Variants in VPS13A observed in about 807,000 individuals in gnomAD.
The protein encoded by VPS13A is vacuolar protein sorting 13 homolog A.
Under a neutral mutation model 390.9 loss-of-function variants are expected in VPS13A, and 264 were observed. That is an observed-to-expected ratio of 0.68 (90% CI 0.61 to 0.75). The LOEUF (loss-of-function observed/expected upper bound fraction) is 0.75, where lower values mean the gene tolerates loss of function less well. Among genes scored for constraint, VPS13A ranks in the 30% least tolerant of loss-of-function variants. VPS13A has a pLI of 0.00. For synonymous variants in VPS13A, 1,231 were observed against 1,227.1 expected (o/e 1.00, Z -0.07); for missense variants, 3,409 against 3,733.9 (o/e 0.91, Z 2.27).
Position 77,416,147 on chromosome 9 carries a change from A to C in VPS13A, c.*141A>C, listed in dbSNP as rs1360346614. 8.1e-6 allele frequency: 8 copies of C among 989,966 alleles called. No homozygotes were observed. The highest frequency in any genetic ancestry group is 7.5e-5 in the South Asian group (5 of 67,100). The allele number at this position is 989,966 out of a possible 1,614,324, so 61.3% of individuals were successfully genotyped here. The stretch of plus-strand genomic sequence containing the variant: ...ATGCTAAAAAACAAAAACAAACAAA[A>C]AAACAAAAACAAAAAAACAAAACCA... On this transcript the variant is annotated 3_prime_UTR_variant, in exon 72 of 72. Coordinates refer to ENST00000360280, the MANE Select transcript of VPS13A (RefSeq NM_033305.3).
At chr9:77,200,041 A>C in intron 2 of VPS13A, 53 bp downstream of exon 2, 1 of 1,385,304 alleles carries the variant, frequency 7.2e-7, no homozygotes, top group Non-Finnish European at 1.0e-6. Flanking sequence ...ATTATGTATA[A>C]TTCTTCCTGA....
intron 26 of VPS13A, among the ~76,000 whole-genome samples, chr9:77,279,427 T>C (rs1353793541): frequency 1.3e-5 from 2 of 152,088 alleles, no homozygotes. Flanking sequence ...TCTCCACCAC[T>C]CTTTTCCTCT....
intron 52 of VPS13A, among the ~76,000 whole-genome samples, chr9:77,347,705 T>C (rs1831231475): frequency 6.6e-6 from 1 of 152,174 alleles, no homozygotes; most frequent in African/African-American, 2.4e-5. Flanking sequence ...AATCTCCCAT[T>C]TTCCACTAGA....
At chr9:77,328,696 C>G (rs111926596) in intron 45 of VPS13A, among the ~76,000 whole-genome samples, 5 of 152,188 alleles carry the variant, frequency 3.3e-5, no homozygotes, top group African/African-American at 1.2e-4. Context: ...CGTGAACAAA[C>G]GTCTGCTTCC....
Position 77,405,987 on chromosome 9 carries a change from G to GGTAT in VPS13A, c.9399+3_9399+6dup, listed in dbSNP as rs1162773279. On this transcript the variant is annotated frameshift_variant and splice_region_variant. Coordinates refer to ENST00000360280, the MANE Select transcript of VPS13A (RefSeq NM_033305.3). LOFTEE classifies it high-confidence loss of function. ...GGAGAAGATTGCGCATTGAAGCAAA[G>GGTAT]GTATGTTGAATAGATTTATTTTTTG... 1.9e-6 allele frequency: 3 copies of GGTAT among 1,613,322 alleles called. No homozygotes were observed. Among genetic ancestry groups the GGTAT allele is most frequent in the Admixed American group, 1.7e-5 (1 of 59,976 alleles).
intron 69 of VPS13A, among the ~76,000 whole-genome samples, chr9:77,404,327 AATTTTTCACTTGAGATCT>A (rs1334948894): frequency 1.3e-5 from 2 of 152,100 alleles, no homozygotes; most frequent in African/African-American, 4.8e-5. Context: ...ACTTAGTTTT[AATTTTTCACTTGAGATCT>A]ATATTTTGAA....
rs374882363 is a variant in VPS13A at position 77,298,764 on chromosome 9, G to C, written c.3812+2918G>C. Among the ~76,000 whole-genome samples the C allele has an allele frequency of 2.2e-4, 34 of 152,260 alleles. No homozygotes were observed. In the South Asian group the frequency reaches 6.4e-3, roughly 29 times the overall value. On this transcript the variant is annotated intron_variant, in intron 33 of 71. Transcript: ENST00000360280. Reference sequence around the variant, plus strand: ...TTCCCACATGTTGTGGGAGGGACCTGGTGGGAGATAATTGAATCATGAGGG... The same window carrying C: ...TTCCCACATGTTGTGGGAGGGACCTCGTGGGAGATAATTGAATCATGAGGG...
intron 33 of VPS13A, among the ~76,000 whole-genome samples, chr9:77,300,151 G>A (rs958948133): frequency 6.6e-6 from 1 of 151,998 alleles, no homozygotes; most frequent in African/African-American, 2.4e-5. Context: ...TATGCTGTAA[G>A]TTTTCATGTC....
At chr9:77,211,491 A>T (rs560304445) in intron 7 of VPS13A, 9 of 151,988 alleles carry the variant, frequency 5.9e-5, no homozygotes, top group African/African-American at 9.7e-5. Flanking sequence ...TGTTGTATCT[A>T]TTGGGTTTTG....
intron 19 of VPS13A, among the ~76,000 whole-genome samples, chr9:77,246,920 G>T (rs925048939): frequency 6.6e-6 from 1 of 152,058 alleles, no homozygotes; most frequent in African/African-American, 2.4e-5. Flanking sequence ...GAATTGAGAA[G>T]TATCTATGTA....
intron 13 of VPS13A, among the ~76,000 whole-genome samples, chr9:77,223,397 G>T (rs1823332156): frequency 6.6e-6 from 1 of 152,164 alleles, no homozygotes; most frequent in African/African-American, 2.4e-5. Context: ...AGAAAGGCAT[G>T]TTGAAAGCAG....
chr9:77,300,263 A>G (rs913240422), intron 33 of VPS13A, among the ~76,000 whole-genome samples: 3 of 152,152 alleles, frequency 2.0e-5, no homozygotes, highest in Non-Finnish European at 4.4e-5. Flanking sequence ...CAGTTTTGCT[A>G]TTATAAATAA....
At chr9:77,335,081 A>G (rs1587607179) in intron 46 of VPS13A, among the ~76,000 whole-genome samples, 2 of 152,336 alleles carry the variant, frequency 1.3e-5, no homozygotes, top group Middle Eastern at 3.4e-3. Flanking sequence ...GCTTAGGAAA[A>G]TAATCAGGGT....
At chr9:77,353,184 G>A (rs771390762) in intron 53 of VPS13A, among the ~76,000 whole-genome samples, 61 of 151,980 alleles carry the variant, frequency 4.0e-4, no homozygotes, top group Admixed American at 6.6e-4. Flanking sequence ...TAAACAATTG[G>A]CCTGTCTTTA....
rs749986857 is a variant in VPS13A at position 77,283,419 on chromosome 9, A to G, written c.3183A>G (p.Leu1061=). The change falls in exon 30 of 72, where the codon TTA becomes TTG. Residue 1061 remains leucine, a synonymous_variant. Coordinates refer to ENST00000360280, the MANE Select transcript of VPS13A (RefSeq NM_033305.3). ...TLQILAELSC[L]QIFIQDQKCN... The stretch of plus-strand genomic sequence containing the variant: ...AGATTTTAGCAGAATTATCGTGTTT[A>G]CAGATCTTTATTCAAGATCAGAAAT... 1.2e-6 allele frequency: 2 copies of G among 1,608,510 alleles called. No homozygotes were observed. The highest frequency in any genetic ancestry group is 4.5e-5 in the East Asian group (2 of 44,678).
chr9:77,391,240 G>T (rs1339929881), intron 68 of VPS13A, among the ~76,000 whole-genome samples: 1 of 152,196 alleles, frequency 6.6e-6, no homozygotes, highest in Non-Finnish European at 1.5e-5. Context: ...TAAGGTGAGT[G>T]TAGTAAAGCT....
intron 68 of VPS13A, among the ~76,000 whole-genome samples, chr9:77,391,557 T>A (rs1215814015): frequency 6.6e-6 from 1 of 152,200 alleles, no homozygotes; most frequent in African/African-American, 2.4e-5. Flanking sequence ...TAATGATGAC[T>A]CTAATGAATT....
intron 31 of VPS13A, among the ~76,000 whole-genome samples, chr9:77,284,998 C>T (rs550398130): frequency 4.2e-4 from 64 of 152,156 alleles, no homozygotes; most frequent in Non-Finnish European, 8.1e-4. Flanking sequence ...AGCCACTGTG[C>T]CCGGCCTGTA....
rs1327141334 is a variant in VPS13A, at chr9:77,400,448, CAGT to C, written c.9190-2784_9190-2782del. 7.2e-5 allele frequency among the ~76,000 whole-genome samples: 11 copies of C among 151,792 alleles called. No individual in the cohort carries two copies. In the South Asian group the frequency reaches 2.3e-3, roughly 31 times the overall value. ...TTTATTTGCTTATCGTTTTGCCATT[CAGT>C]AGTGGTTAAGTTCTATGTACTTAAC... On this transcript the variant is annotated intron_variant, in intron 68 of 71. Coordinates refer to ENST00000360280, the MANE Select transcript of VPS13A (RefSeq NM_033305.3).
Sources: allele counts gnomAD v4.1 joint callset (sites outside exome capture counted in the v4.1 genomes callset), GRCh38; gene constraint gnomAD v4.1.1; transcripts MANE v1.5; gene names NCBI Gene and HGNC (gene_info 2026-07-23, HGNC 2026-07-21).